Variants in SLC30A8 observed in about 807,000 individuals in gnomAD.
SLC30A8 encodes the protein proton-coupled zinc antiporter SLC30A8.
SLC30A8 carries 27 observed loss-of-function variants against 36.9 expected under a neutral mutation model. The ratio of observed to expected loss-of-function variants is 0.73; its 90% confidence interval spans 0.54 to 1.01. SLC30A8 has a LOEUF of 1.01. SLC30A8 is among the 50% of genes least tolerant of loss of function. SLC30A8 has a pLI of 0.00. For synonymous variants in SLC30A8, 164 were observed against 172.4 expected, an observed-to-expected ratio of 0.95 and a Z score of 0.38; for missense variants, 439 against 452.0, an observed-to-expected ratio of 0.97 and a Z score of 0.26.
chr8:116,955,734 AAT>A (rs1814172421), intron 1 of SLC30A8, among the ~76,000 whole-genome samples: 3 of 151,682 alleles, frequency 2.0e-5, no homozygotes, highest in African/African-American at 4.8e-5. Flanking sequence ...AAAAAAAAAA[AAT>A]AAAAAAAAAG....
At chr8:117,143,206 G>C (rs1192526336) in intron 1 of SLC30A8, among the ~76,000 whole-genome samples, 1 of 152,058 alleles carries the variant, frequency 6.6e-6, no homozygotes, top group African/African-American at 2.4e-5. Flanking sequence ...CAAAAATAAA[G>C]TCCCATTTTC....
chr8:116,967,619 G>A (rs1336257265), intron 1 of SLC30A8, among the ~76,000 whole-genome samples: 1 of 152,162 alleles, frequency 6.6e-6, no homozygotes, highest in Non-Finnish European at 1.5e-5. Context: ...GTACCTGAAT[G>A]AACCAAGTCC....
chr8:117,043,609 A>C (rs1424304189), intron 2 of SLC30A8, among the ~76,000 whole-genome samples: 1 of 152,236 alleles, frequency 6.6e-6, no homozygotes, highest in Non-Finnish European at 1.5e-5. Context: ...TTGATCCCAT[A>C]AGGTCTGACA....
intron 2 of SLC30A8, among the ~76,000 whole-genome samples, chr8:117,095,347 C>A (rs1586502469): frequency 3.3e-5 from 5 of 152,078 alleles, no homozygotes; most frequent in Admixed American, 3.3e-4. Flanking sequence ...TAACATATTA[C>A]TAGCATTACT....
chr8:116,983,779 A>G (rs866565377), intron 1 of SLC30A8, among the ~76,000 whole-genome samples: 10 of 152,220 alleles, frequency 6.6e-5, no homozygotes, highest in Non-Finnish European at 1.0e-4. Context: ...CATCTTGCTT[A>G]ACTACAGTAC....
chr8:117,077,896 G>C (rs1818539903), intron 2 of SLC30A8, among the ~76,000 whole-genome samples: 1 of 152,144 alleles, frequency 6.6e-6, no homozygotes, highest in Non-Finnish European at 1.5e-5. Flanking sequence ...TTTTGATATG[G>C]ATTTTAGAAA....
intron 2 of SLC30A8, among the ~76,000 whole-genome samples, chr8:117,057,421 A>C (rs1817906491): frequency 6.6e-6 from 1 of 152,096 alleles, no homozygotes; most frequent in African/African-American, 2.4e-5. Flanking sequence ...TAACACATTA[A>C]TTACCTATAA....
chr8:117,137,583 TAGA>T (rs1489818821), intron 1 of SLC30A8, among the ~76,000 whole-genome samples: 1 of 151,950 alleles, frequency 6.6e-6, no homozygotes, highest in Non-Finnish European at 1.5e-5. Flanking sequence ...TGGGCTAGGC[TAGA>T]AGGTTTAAGA....
intron 2 of SLC30A8, among the ~76,000 whole-genome samples, chr8:117,060,264 T>A: frequency 6.6e-6 from 1 of 152,140 alleles, no homozygotes; most frequent in East Asian, 1.9e-4. Flanking sequence ...AATAGGGGTC[T>A]GCACAGAGTT....
rs79912816 is a variant in SLC30A8 at position 117,149,714 on chromosome 8, C to T, written c.271+2561C>T. On this transcript the variant is annotated intron_variant, in intron 2 of 7. Coordinates refer to ENST00000456015, the MANE Select transcript of SLC30A8 (RefSeq NM_173851.3). ...CAAACTCAAGAAAAAATGAGCTGGG[C>T]TTGCTGAGCACTTTCATACTGTGTC... Among the ~76,000 whole-genome samples, 370 of 152,324 alleles carry T rather than the reference C, an allele frequency of 2.4e-3. 1 individual carries two copies. The highest frequency in any genetic ancestry group is 3.5e-3 in the Admixed American group (54 of 15,296).
chr8:117,050,343 G>T (rs186941291), intron 2 of SLC30A8, among the ~76,000 whole-genome samples: 1 of 152,094 alleles, frequency 6.6e-6, no homozygotes. Flanking sequence ...ATGCAAATGA[G>T]GGGGAGCAAG....
intron 2 of SLC30A8, among the ~76,000 whole-genome samples, chr8:117,115,861 C>T (rs1487420752): frequency 6.6e-6 from 1 of 151,942 alleles, no homozygotes; most frequent in East Asian, 1.9e-4. Context: ...AATGCAGATG[C>T]AAAGCCATTG....
At chr8:117,147,855 C>G (rs1442099122) in intron 2 of SLC30A8, among the ~76,000 whole-genome samples, 1 of 152,064 alleles carries the variant, frequency 6.6e-6, no homozygotes, top group Admixed American at 6.6e-5. Context: ...ATATTTATTT[C>G]TTTAATTGTT....
intron 2 of SLC30A8, among the ~76,000 whole-genome samples, chr8:117,148,149 T>A (rs1024375805): frequency 2.0e-5 from 3 of 152,022 alleles, no homozygotes; most frequent in African/African-American, 7.2e-5. Context: ...TTTGAGCTCA[T>A]TTCTTTTACT....
chr8:117,092,619 G>T (rs1819180711), intron 2 of SLC30A8, among the ~76,000 whole-genome samples: 1 of 152,218 alleles, frequency 6.6e-6, no homozygotes, highest in African/African-American at 2.4e-5. Context: ...AGATTAGAGA[G>T]ATGCCTAAAG....
rs1270454719 is a variant in SLC30A8 at position 117,175,447 on chromosome 8, A to G, written c.*2766A>G. ...ATGGGAAATGGGAATGTTGAAGGACATGAAAGAAAGGATGTTTACACATTA... is the reference window on the plus strand; with the variant it reads ...ATGGGAAATGGGAATGTTGAAGGACGTGAAAGAAAGGATGTTTACACATTA... On this transcript the variant is annotated 3_prime_UTR_variant, in exon 8 of 8. Coordinates refer to ENST00000456015, the MANE Select transcript of SLC30A8 (RefSeq NM_173851.3). The G allele has an allele frequency of 6.6e-6, 1 of 152,136 alleles. No homozygotes were observed. The highest frequency in any genetic ancestry group is 1.9e-4 in the East Asian group (1 of 5,178). 9.4% of individuals were successfully genotyped at this position (152,136 alleles called of 1,614,324 possible).
intron 1 of SLC30A8, among the ~76,000 whole-genome samples, chr8:116,995,567 T>C (rs922020954): frequency 3.3e-5 from 5 of 152,030 alleles, no homozygotes; most frequent in African/African-American, 9.7e-5. Flanking sequence ...GTTGGTGACT[T>C]GTATGAGCTA....
At chr8:117,114,235 A>C (rs1389449882) in intron 2 of SLC30A8, among the ~76,000 whole-genome samples, 1 of 152,136 alleles carries the variant, frequency 6.6e-6, no homozygotes, top group Non-Finnish European at 1.5e-5. Context: ...AATAATTATT[A>C]GATGAAATGA....
chr8:117,034,939 T>C (rs1489508277), intron 1 of SLC30A8, among the ~76,000 whole-genome samples: 1 of 152,014 alleles, frequency 6.6e-6, no homozygotes, highest in East Asian at 1.9e-4. Context: ...TCAGATCTCA[T>C]GAGAACTCAC....
Sources: allele counts gnomAD v4.1 joint callset (sites outside exome capture counted in the v4.1 genomes callset), GRCh38; gene constraint gnomAD v4.1.1; transcripts MANE v1.5; gene names NCBI Gene and HGNC (gene_info 2026-07-23, HGNC 2026-07-21).